CDC73: variants seen among roughly 807,000 people sequenced by gnomAD.
CDC73 encodes cell division cycle 73.
A neutral mutation model predicts 83.7 loss-of-function variants in CDC73; 21 were observed. The observed-to-expected ratio is 0.25, with a 90% CI of 0.18 to 0.36. CDC73 has a LOEUF of 0.36. Ranked by LOEUF, CDC73 falls within the 10% of genes least tolerant of loss-of-function variation. The pLI, the probability that CDC73 is intolerant of heterozygous loss-of-function variation, is 1.00. For synonymous variants in CDC73, 224 were observed against 212.9 expected (o/e 1.05, Z -0.45); for missense variants, 342 against 653.3 (o/e 0.52, Z 5.19).
intron 10 of CDC73, among the ~76,000 whole-genome samples, chr1:193,162,752 T>C (rs1676361787): frequency 6.6e-6 from 1 of 152,176 alleles, no homozygotes; most frequent in South Asian, 2.1e-4. Flanking sequence ...TTATCAATCC[T>C]GTAATCATTT....
chr1:193,158,998 A>C (rs1486600836), intron 10 of CDC73, among the ~76,000 whole-genome samples: 1 of 152,210 alleles, frequency 6.6e-6, no homozygotes, highest in South Asian at 2.1e-4. Context: ...TTTTCTAAGA[A>C]GCCATCACGT....
intron 15 of CDC73, 84 bp from the exon 16 acceptor site, chr1:193,249,646 G>A (rs540512860): frequency 3.1e-4 from 313 of 995,230 alleles, no homozygotes; most frequent in Middle Eastern, 5.4e-4. Flanking sequence ...GTTATAATAC[G>A]GCTTCAGTTG....
chr1:193,244,972 T>C (rs539545211), intron 15 of CDC73, among the ~76,000 whole-genome samples: 1 of 152,204 alleles, frequency 6.6e-6, no homozygotes, highest in Non-Finnish European at 1.5e-5. Flanking sequence ...TAGTAGACAA[T>C]GTATGTTAGA....
intron 15 of CDC73, among the ~76,000 whole-genome samples, chr1:193,244,221 T>C (rs775242014): frequency 1.3e-5 from 2 of 152,216 alleles, no homozygotes; most frequent in Non-Finnish European, 2.9e-5. Context: ...AACCTACCTG[T>C]TTTTAGTACA....
intron 3 of CDC73, among the ~76,000 whole-genome samples, chr1:193,130,918 C>G (rs1474101756): frequency 6.6e-6 from 1 of 152,148 alleles, no homozygotes; most frequent in Non-Finnish European, 1.5e-5. Flanking sequence ...TTGTTCACCT[C>G]TCAGTTTATT....
At chr1:193,169,317 G>A (rs531326466) in intron 10 of CDC73, among the ~76,000 whole-genome samples, 3 of 152,326 alleles carry the variant, frequency 2.0e-5, no homozygotes, top group South Asian at 2.1e-4. Flanking sequence ...GGCCAAGGCC[G>A]GTGTATCACT....
Position 193,207,257 on chromosome 1 carries a change from A to G in CDC73, c.1030+3405A>G, listed in dbSNP as rs558862754. The stretch of plus-strand genomic sequence containing the variant: ...ACAGGGAGTAGGTCACAAAGATCAC[A>G]TGCTTCAAAGGGCAATAAAGATCAC... On this transcript the variant is annotated intron_variant, in intron 11 of 16. Transcript: ENST00000367435. 2.6e-5 allele frequency among the ~76,000 whole-genome samples: 4 copies of G among 152,326 alleles called. No homozygotes were observed. The East Asian group carries it at 7.7e-4, about 29-fold the overall frequency.
chr1:193,135,353 A>C (rs760710336), intron 3 of CDC73, 38 bp from the exon 4 acceptor site: 1 of 1,497,998 alleles, frequency 6.7e-7, no homozygotes, highest in Admixed American at 1.7e-5. Flanking sequence ...ATATATGTTG[A>C]AATAGTAATC....
chr1:193,193,991 G>C (rs1417655514), intron 10 of CDC73, among the ~76,000 whole-genome samples: 1 of 152,060 alleles, frequency 6.6e-6, no homozygotes, highest in African/African-American at 2.4e-5. Flanking sequence ...ATAATTCTGT[G>C]ATTCCCAAAA....
At chr1:193,221,177 C>G (rs554041675) in intron 13 of CDC73, among the ~76,000 whole-genome samples, 89 of 152,188 alleles carry the variant, frequency 5.8e-4, no homozygotes, top group African/African-American at 1.2e-3. Context: ...TGAGGGAGCA[C>G]ATTGAGAAGA....
intron 10 of CDC73, among the ~76,000 whole-genome samples, chr1:193,182,520 T>C (rs1288535481): frequency 6.6e-6 from 1 of 152,192 alleles, no homozygotes; most frequent in African/African-American, 2.4e-5. Flanking sequence ...TTTAAAATTC[T>C]GAATTTCACA....
At chr1:193,196,764 A>T (rs1230085513) in intron 10 of CDC73, among the ~76,000 whole-genome samples, 1 of 152,158 alleles carries the variant, frequency 6.6e-6, no homozygotes, top group Non-Finnish European at 1.5e-5. Flanking sequence ...TTGTTAGTGT[A>T]TAGAAACACA....
chr1:193,249,453 ATC>A (rs1331211377), intron 15 of CDC73, among the ~76,000 whole-genome samples: 1 of 151,974 alleles, frequency 6.6e-6, no homozygotes, highest in Non-Finnish European at 1.5e-5. Context: ...AACCCACAAT[ATC>A]TCCAAGGTAT....
chr1:193,175,263 A>G (rs1187006209), intron 10 of CDC73, among the ~76,000 whole-genome samples: 1 of 152,242 alleles, frequency 6.6e-6, no homozygotes, highest in Non-Finnish European at 1.5e-5. Flanking sequence ...GAAACTGGCT[A>G]TAAAGGTATT....
At chr1:193,180,218 C>T (rs1311669463) in intron 10 of CDC73, 70 of 1,274,868 alleles carry the variant, frequency 5.5e-5, no homozygotes, top group Middle Eastern at 2.3e-4. Context: ...ACTTGTCCTA[C>T]GGATGTAATC....
At chr1:193,241,192 G>A (rs1315201284) in intron 15 of CDC73, among the ~76,000 whole-genome samples, 1 of 152,142 alleles carries the variant, frequency 6.6e-6, no homozygotes, top group Non-Finnish European at 1.5e-5. Context: ...CCCCGAAGAT[G>A]TACCTATGAT....
chr1:193,201,900 C>A (rs1677098079), intron 10 of CDC73, among the ~76,000 whole-genome samples: 1 of 151,608 alleles, frequency 6.6e-6, no homozygotes, highest in African/African-American at 2.4e-5. Context: ...AATTTTTATT[C>A]TGGTGATTTT....
chr1:193,124,277 A>T (rs1315607132), intron 1 of CDC73, among the ~76,000 whole-genome samples: 1 of 152,238 alleles, frequency 6.6e-6, no homozygotes, highest in African/African-American at 2.4e-5. Context: ...TATTGTATGC[A>T]GTGCATTTTA....
chr1:193,228,670 T>C (rs555309896), intron 13 of CDC73, among the ~76,000 whole-genome samples: 56 of 152,322 alleles, frequency 3.7e-4, no homozygotes, highest in Middle Eastern at 3.4e-3. Flanking sequence ...CACAAACATT[T>C]TTTAAGGTAG....
Sources: gnomAD v4.1 joint callset for allele counts (sites outside exome capture counted in the v4.1 genomes callset) on GRCh38, gnomAD v4.1.1 for gene constraint, MANE v1.5 for transcripts, NCBI Gene and HGNC (gene_info 2026-07-23, HGNC 2026-07-21) for gene names.